Variants in AUTS2 observed in about 807,000 individuals in gnomAD.
AUTS2 encodes the protein autism susceptibility gene 2 protein.
AUTS2 carries 17 observed loss-of-function variants against 112.4 expected under a neutral mutation model. The observed-to-expected ratio is 0.15, with a 90% CI of 0.10 to 0.23. AUTS2 has a LOEUF of 0.23. AUTS2 is among the 10% of genes least tolerant of loss of function. The pLI is 1.00. For synonymous variants in AUTS2, 751 were observed against 702.7 expected (o/e 1.07, Z -1.09); for missense variants, 1,510 against 1,701.6 (o/e 0.89, Z 1.98).
At chr7:70,371,910 C>T (rs1792857003) in intron 4 of AUTS2, among the ~76,000 whole-genome samples, 1 of 152,110 alleles carries the variant, frequency 6.6e-6, no homozygotes, top group Non-Finnish European at 1.5e-5. Context: ...GTCTCATTAC[C>T]ATATGGCCAG....
At chr7:70,206,000 T>C (rs1195945242) in intron 4 of AUTS2, among the ~76,000 whole-genome samples, 1 of 152,178 alleles carries the variant, frequency 6.6e-6, no homozygotes, top group Non-Finnish European at 1.5e-5. Context: ...GAGGATTAGA[T>C]TCAGAATAAA....
At chr7:69,831,524 G>A (rs1183777584) in intron 1 of AUTS2, among the ~76,000 whole-genome samples, 2 of 152,110 alleles carry the variant, frequency 1.3e-5, no homozygotes, top group Non-Finnish European at 2.9e-5. Context: ...CAGGGTGCTG[G>A]AGAACCTGGA....
At chr7:70,052,629 A>T (rs1426248833) in intron 2 of AUTS2, among the ~76,000 whole-genome samples, 1 of 152,172 alleles carries the variant, frequency 6.6e-6, no homozygotes, top group African/African-American at 2.4e-5. Flanking sequence ...CCTACTCATA[A>T]AGTTGGTTAA....
intron 1 of AUTS2, among the ~76,000 whole-genome samples, chr7:69,826,392 G>C (rs1791246370): frequency 6.6e-6 from 1 of 152,186 alleles, no homozygotes; most frequent in Non-Finnish European, 1.5e-5. Flanking sequence ...CACAGCTTTT[G>C]ACTGTAAATC....
intron 1 of AUTS2, among the ~76,000 whole-genome samples, chr7:69,802,177 C>A (rs1790114335): frequency 6.6e-6 from 1 of 152,212 alleles, no homozygotes; most frequent in African/African-American, 2.4e-5. Context: ...CTGACTAAAT[C>A]TTAGCCTGAA....
chr7:70,281,040 C>G (rs1278711780), intron 4 of AUTS2, among the ~76,000 whole-genome samples: 1 of 151,968 alleles, frequency 6.6e-6, no homozygotes, highest in Non-Finnish European at 1.5e-5. Flanking sequence ...TTATCTGTCT[C>G]TGTGTGTGTG....
In AUTS2 at chr7:69,699,793, C is replaced by T. The variant is rs545533259; in HGVS notation, c.309+99831C>T. 8.6e-5 allele frequency among the ~76,000 whole-genome samples: 13 copies of T among 151,862 alleles called. No homozygotes were observed. In the South Asian group the frequency reaches 1.7e-3, roughly 20 times the overall value. ...CTGAATAGCTGGAATTACAGGTGCC[C>T]GCCGCCACACCTGGCTAATTTTTGT... On this transcript the variant is annotated intron_variant, in intron 1 of 18. Coordinates refer to ENST00000342771, the MANE Select transcript of AUTS2 (RefSeq NM_015570.4).
chr7:70,722,527 G>T (rs930967266), intron 6 of AUTS2, among the ~76,000 whole-genome samples: 25 of 152,122 alleles, frequency 1.6e-4, no homozygotes, highest in Admixed American at 3.9e-4. Flanking sequence ...GTAGAGATTA[G>T]TTTGTTGCCA....
intron 1 of AUTS2, among the ~76,000 whole-genome samples, chr7:69,873,600 A>G (rs1288659932): frequency 6.6e-6 from 1 of 152,018 alleles, no homozygotes; most frequent in Non-Finnish European, 1.5e-5. Context: ...ATCGTTAACC[A>G]CCCTTACTGA....
At chr7:70,232,948 T>G (rs1298391676) in intron 4 of AUTS2, among the ~76,000 whole-genome samples, 1 of 152,228 alleles carries the variant, frequency 6.6e-6, no homozygotes, top group Admixed American at 6.5e-5. Flanking sequence ...TGATTGAAGA[T>G]TAAACAAAAC....
chr7:69,804,568 A>G (rs1171742088), intron 1 of AUTS2, among the ~76,000 whole-genome samples: 3 of 152,202 alleles, frequency 2.0e-5, no homozygotes, highest in Non-Finnish European at 4.4e-5. Flanking sequence ...ATGAAGACTT[A>G]AATATACTTA....
intron 2 of AUTS2, among the ~76,000 whole-genome samples, chr7:69,944,066 A>G (rs767798965): frequency 5.3e-5 from 8 of 152,222 alleles, no homozygotes; most frequent in Non-Finnish European, 7.3e-5. Flanking sequence ...GGCCCAGATA[A>G]TTAAAGTGAA....
At chr7:70,731,937 G>A (rs1195105975) in intron 6 of AUTS2, among the ~76,000 whole-genome samples, 1 of 152,114 alleles carries the variant, frequency 6.6e-6, no homozygotes, top group African/African-American at 2.4e-5. Context: ...CATAACCACA[G>A]TACAGCTACC....
intron 18 of AUTS2, among the ~76,000 whole-genome samples, chr7:70,788,347 G>A (rs1290213194): frequency 6.6e-6 from 1 of 152,116 alleles, no homozygotes; most frequent in African/African-American, 2.4e-5. Context: ...ATTCAACTTT[G>A]CAGGCTCTAA....
At chr7:70,350,435 G>T (rs1585045604) in intron 4 of AUTS2, among the ~76,000 whole-genome samples, 5 of 152,140 alleles carry the variant, frequency 3.3e-5, no homozygotes, top group Admixed American at 2.6e-4. Context: ...CACATGGCTG[G>T]GGAGGCCTCA....
At position 70,585,901 on chromosome 7, in the gene AUTS2, C is replaced by T. The variant is rs558649737; in HGVS notation, c.691-112668C>T. Among the ~76,000 whole-genome samples the T allele has an allele frequency of 1.2e-3, 179 of 151,750 alleles. 1 individual carries two copies. Among genetic ancestry groups the T allele is most frequent in the South Asian group, 7.9e-3 (38 of 4,800 alleles). On this transcript the variant is annotated intron_variant, in intron 5 of 18. Transcript: ENST00000342771. Reference sequence around the variant, plus strand: ...GTTTTGAGACAGTGTCTTGCTCTGTCGCCCAGACTGGAGTGCAACGGCGCG... The same window carrying T: ...GTTTTGAGACAGTGTCTTGCTCTGTTGCCCAGACTGGAGTGCAACGGCGCG...
At chr7:70,345,306 A>G (rs1472127885) in intron 4 of AUTS2, among the ~76,000 whole-genome samples, 6 of 152,176 alleles carry the variant, frequency 3.9e-5, no homozygotes, top group Non-Finnish European at 8.8e-5. Context: ...ATAACTTCCT[A>G]TGACAGAGTG....
intron 5 of AUTS2, chr7:70,596,247 T>A (rs1235584652): frequency 1.3e-5 from 2 of 152,216 alleles, no homozygotes; most frequent in Non-Finnish European, 2.9e-5. Context: ...CGCTCGCGTC[T>A]GATCGCCGCC....
chr7:70,409,919 C>T (rs1794701779), intron 4 of AUTS2, among the ~76,000 whole-genome samples: 1 of 152,118 alleles, frequency 6.6e-6, no homozygotes, highest in Admixed American at 6.5e-5. Flanking sequence ...ATGCAGGCAA[C>T]TCAGGGACCT....
Sources: allele counts gnomAD v4.1 joint callset (sites outside exome capture counted in the v4.1 genomes callset), GRCh38; gene constraint gnomAD v4.1.1; transcripts MANE v1.5; gene names NCBI Gene and HGNC (gene_info 2026-07-23, HGNC 2026-07-21).